The following PPME1 variants were observed in gnomAD, a reference collection of about 807,000 sequenced individuals.
PPME1 encodes testicular secretory protein Li 39.
In PPME1, 17 loss-of-function variants were observed where a neutral mutation model predicts 56.9. That is an observed-to-expected ratio of 0.30 (90% confidence interval 0.20 to 0.45). The LOEUF (loss-of-function observed/expected upper bound fraction) is 0.45, where lower values mean the gene tolerates loss of function less well. Among genes scored for constraint, PPME1 ranks in the 20% least tolerant of loss-of-function variants. The pLI is 1.00. For synonymous variants in PPME1, 122 were observed against 156.2 expected (o/e 0.78, Z 1.63); for missense variants, 357 against 483.2 (o/e 0.74, Z 2.45).
At chr11:74,188,772 T>C (rs1857758639) in intron 1 of PPME1, among the ~76,000 whole-genome samples, 2 of 152,216 alleles carry the variant, frequency 1.3e-5, no homozygotes, top group African/African-American at 4.8e-5. Context: ...TTCTTTTTTT[T>C]CCTTAAAGTA....
At chr11:74,207,258 C>G (rs974329711) in intron 3 of PPME1, among the ~76,000 whole-genome samples, 2 of 152,204 alleles carry the variant, frequency 1.3e-5, no homozygotes, top group East Asian at 3.9e-4. Flanking sequence ...CAAGTTCCTT[C>G]TTGTCCATAA....
At chr11:74,212,739 A>G (rs1858512948) in intron 3 of PPME1, among the ~76,000 whole-genome samples, 1 of 152,116 alleles carries the variant, frequency 6.6e-6, no homozygotes, top group East Asian at 1.9e-4. Flanking sequence ...CATGACACAT[A>G]CTGAGCTAGA....
At chr11:74,173,587 G>A (rs981477099) in intron 1 of PPME1, among the ~76,000 whole-genome samples, 1 of 151,998 alleles carries the variant, frequency 6.6e-6, no homozygotes, top group Non-Finnish European at 1.5e-5. Context: ...TGTTGCCCAG[G>A]CTAGAGTGCA....
chr11:74,250,809 A>G lies in PPME1; in HGVS notation c.1010-145A>G, dbSNP rs1591073245. On this transcript the variant is annotated intron_variant, in intron 11 of 13. Transcript: ENST00000328257. ...TACAATTACTTGTATTACCATCCTC[A>G]GCAAGACTTGATAATTGGGTCCAGA... 3 of 654,456 alleles carry G rather than the reference A, an allele frequency of 4.6e-6. No homozygotes were observed. In the East Asian group the frequency reaches 8.2e-5, roughly 18 times the overall value. The allele number at this position is 654,456 out of a possible 1,614,324, so 40.5% of individuals were successfully genotyped here. A position where few individuals can be genotyped will look rare whatever the true frequency, so the allele number is the denominator to read the frequency against.
intron 1 of PPME1, among the ~76,000 whole-genome samples, chr11:74,203,070 G>A (rs1024721561): frequency 3.3e-5 from 5 of 151,756 alleles, no homozygotes; most frequent in Non-Finnish European, 4.4e-5. Context: ...TATTTTCATC[G>A]GTCCCCTATT....
chr11:74,218,776 G>GA (rs1312538973), intron 3 of PPME1, among the ~76,000 whole-genome samples: 1 of 151,922 alleles, frequency 6.6e-6, no homozygotes, highest in African/African-American at 2.4e-5. Flanking sequence ...CTCAAACTAT[G>GA]AAAGTACTAA....
chr11:74,227,612 T>G (rs532470710), intron 5 of PPME1, among the ~76,000 whole-genome samples: 2 of 152,308 alleles, frequency 1.3e-5, no homozygotes, highest in Admixed American at 1.3e-4. Flanking sequence ...CAGTAATGCT[T>G]CTCAGAAAAT....
intron 8 of PPME1, chr11:74,238,603 A>C (rs765045856): frequency 2.0e-5 from 3 of 152,198 alleles, no homozygotes; most frequent in Non-Finnish European, 4.4e-5. Context: ...AAGAGATGCA[A>C]TTTTTAAGAG....
intron 1 of PPME1, among the ~76,000 whole-genome samples, chr11:74,193,121 A>AT (rs1565378719): frequency 6.6e-6 from 1 of 152,212 alleles, no homozygotes; most frequent in Non-Finnish European, 1.5e-5. Context: ...CCCTGAGTAC[A>AT]TTATGTTTTT....
At chr11:74,178,789 G>A (rs1323225831) in intron 1 of PPME1, among the ~76,000 whole-genome samples, 3 of 152,080 alleles carry the variant, frequency 2.0e-5, no homozygotes, top group Non-Finnish European at 2.9e-5. Context: ...CCAAAATTGG[G>A]TAATTTGCTC....
At chr11:74,183,327 A>T (rs371046661) in intron 1 of PPME1, among the ~76,000 whole-genome samples, 15 of 152,252 alleles carry the variant, frequency 9.9e-5, no homozygotes, top group East Asian at 7.7e-4. Context: ...AAAGTAAGAT[A>T]GCTCTAAATA....
chr11:74,227,590 T>G (rs765232223), intron 5 of PPME1, among the ~76,000 whole-genome samples: 8 of 152,166 alleles, frequency 5.3e-5, no homozygotes, highest in Non-Finnish European at 1.0e-4. Context: ...ATATTCCAAT[T>G]TCTGTGATAC....
At chr11:74,199,420 C>T (rs1407657960) in intron 1 of PPME1, among the ~76,000 whole-genome samples, 2 of 152,180 alleles carry the variant, frequency 1.3e-5, no homozygotes, top group Non-Finnish European at 2.9e-5. Flanking sequence ...CAGTTCCAGC[C>T]TTATACACGT....
chr11:74,202,446 AGCCGCTGTGT>A (rs1858195866), intron 1 of PPME1, among the ~76,000 whole-genome samples: 1 of 152,212 alleles, frequency 6.6e-6, no homozygotes, highest in Admixed American at 6.5e-5. Flanking sequence ...CTTCCTACCC[AGCCGCTGTGT>A]TGTAATTTTT....
At chr11:74,193,524 T>C (rs1052542910) in intron 1 of PPME1, among the ~76,000 whole-genome samples, 2 of 152,204 alleles carry the variant, frequency 1.3e-5, no homozygotes, top group Non-Finnish European at 2.9e-5. Context: ...TCCCAAGCAT[T>C]TTGGATGAGG....
chr11:74,171,622 TAGG>T, intron 1 of PPME1, 100 bp downstream of exon 1: 9 of 1,394,436 alleles, frequency 6.5e-6, no homozygotes, highest in African/African-American at 1.4e-5. Flanking sequence ...AGTCTACTGA[TAGG>T]AGAAAATGTT....
Position 74,222,385 on chromosome 11 carries a change from A to T in PPME1, c.346+16A>T. On this transcript the variant is annotated intron_variant, in intron 4 of 13. Transcript: ENST00000328257. ...CGAAGTCATGGTGAGTAAAGTTCTT[A>T]ATTAGCCATTAACTGGATTATAGTC... The T allele has an allele frequency of 6.3e-7, 1 of 1,584,134 alleles. No individual in the cohort carries two copies.
chr11:74,194,200 A>G (rs186191949), intron 1 of PPME1, among the ~76,000 whole-genome samples: 6 of 150,794 alleles, frequency 4.0e-5, no homozygotes, highest in Non-Finnish European at 8.9e-5. Flanking sequence ...TTTATTTTTT[A>G]TTTTTTAATT....
intron 12 of PPME1, chr11:74,251,322 A>G (rs1859653987): frequency 2.2e-6 from 3 of 1,363,926 alleles, no homozygotes; most frequent in Non-Finnish European, 1.9e-6. Flanking sequence ...TGATTAGGGT[A>G]GAAACTGCTC....
Sources: gnomAD v4.1 joint callset for allele counts (sites outside exome capture counted in the v4.1 genomes callset) on GRCh38, gnomAD v4.1.1 for gene constraint, MANE v1.5 for transcripts, NCBI Gene and HGNC (gene_info 2026-07-23, HGNC 2026-07-21) for gene names.